Variants in RBFOX1 observed in about 807,000 individuals in gnomAD.
The protein encoded by RBFOX1 is RNA binding protein fox-1 homolog 1.
Under a neutral mutation model 57.7 loss-of-function variants are expected in RBFOX1, and 8 were observed. The observed-to-expected ratio is 0.14, with a 90% confidence interval of 0.08 to 0.25. The LOEUF is 0.25. RBFOX1 is among the 10% of genes least tolerant of loss of function. The pLI is 1.00. For synonymous variants in RBFOX1, 326 were observed against 222.4 expected (o/e 1.47, Z -4.15); for missense variants, 611 against 548.5 (o/e 1.11, Z -1.14).
rs145133700 is a variant in RBFOX1 at position 5,787,400 on chromosome 16, G to C, written c.319-79903G>C. ...AGTGAATAAAGACTTTATGCCCTAG[G>C]ACATCCATTGTAAGCCTCTCTACAA... is the stretch of plus-strand genomic sequence containing the variant. On this transcript the variant is annotated intron_variant, in intron 3 of 19. Coordinates refer to the RBFOX1 transcript ENST00000641259. Among the ~76,000 whole-genome samples, 127 of 152,262 alleles carry C rather than the reference G, an allele frequency of 8.3e-4. 2 individuals are homozygous for C. The highest frequency in any genetic ancestry group is 2.9e-3 in the African/African-American group (120 of 41,550).
At chr16:5,277,805 C>G (rs2063178389) in intron 1 of RBFOX1, among the ~76,000 whole-genome samples, 1 of 152,180 alleles carries the variant, frequency 6.6e-6, no homozygotes, top group Non-Finnish European at 1.5e-5. Context: ...TTAGTTCCAT[C>G]CATTTAGCTG....
chr16:7,646,735 C>T (rs192748143), intron 11 of RBFOX1, among the ~76,000 whole-genome samples: 3 of 152,244 alleles, frequency 2.0e-5, no homozygotes, highest in African/African-American at 7.2e-5. Flanking sequence ...TCCATCTCCC[C>T]CAGAGCTCTA....
intron 1 of RBFOX1, among the ~76,000 whole-genome samples, chr16:5,463,670 C>T (rs2068863373): frequency 6.6e-6 from 1 of 151,716 alleles, no homozygotes; most frequent in Admixed American, 6.6e-5. Context: ...CGTGCTGACA[C>T]ACAACTGTAA....
chr16:5,983,475 C>T (rs777490905), intron 4 of RBFOX1, among the ~76,000 whole-genome samples: 2 of 152,134 alleles, frequency 1.3e-5, no homozygotes, highest in Non-Finnish European at 2.9e-5. Flanking sequence ...ACTCATGGAA[C>T]CTTCCAGTGA....
chr16:5,618,408 GC>G (rs2048109899), intron 3 of RBFOX1, among the ~76,000 whole-genome samples: 1 of 152,030 alleles, frequency 6.6e-6, no homozygotes, highest in African/African-American at 2.4e-5. Flanking sequence ...TGCGATCTCG[GC>G]TCACTGCAAG....
At chr16:5,725,484 A>C (rs140187967) in intron 3 of RBFOX1, among the ~76,000 whole-genome samples, 2 of 151,784 alleles carry the variant, frequency 1.3e-5, no homozygotes, top group East Asian at 2.0e-4. Flanking sequence ...TCTTGTCTCA[A>C]ACTTAACAGG....
At chr16:7,629,180 G>A (rs190507805) in intron 10 of RBFOX1, among the ~76,000 whole-genome samples, 8 of 152,272 alleles carry the variant, frequency 5.3e-5, no homozygotes, top group Non-Finnish European at 1.2e-4. Context: ...GGAAAAAGTG[G>A]ATGGAGTTGT....
intron 2 of RBFOX1, among the ~76,000 whole-genome samples, chr16:6,502,025 A>G (rs984906938): frequency 2.0e-5 from 3 of 152,274 alleles, no homozygotes; most frequent in East Asian, 1.9e-4. Flanking sequence ...ATGCCTGCTT[A>G]GGGGGGTCAT....
intron 4 of RBFOX1, among the ~76,000 whole-genome samples, chr16:7,090,502 C>T (rs949007880): frequency 6.6e-6 from 1 of 152,132 alleles, no homozygotes; most frequent in Non-Finnish European, 1.5e-5. Context: ...AGTGTGGCCC[C>T]ATTAAGCCAG....
At chr16:6,484,334 A>T (rs1178244274) in intron 2 of RBFOX1, among the ~76,000 whole-genome samples, 1 of 152,142 alleles carries the variant, frequency 6.6e-6, no homozygotes, top group Non-Finnish European at 1.5e-5. Context: ...ATCTGTGTAA[A>T]CATGTCCACC....
intron 3 of RBFOX1, among the ~76,000 whole-genome samples, chr16:6,840,498 A>T (rs991846758): frequency 6.6e-6 from 1 of 152,120 alleles, no homozygotes; most frequent in Non-Finnish European, 1.5e-5. Flanking sequence ...TGTGTGTTGA[A>T]ATTCTAATCC....
intron 14 of RBFOX1, among the ~76,000 whole-genome samples, chr16:7,681,449 T>G (rs2074719915): frequency 6.6e-6 from 1 of 152,180 alleles, no homozygotes; most frequent in Non-Finnish European, 1.5e-5. Context: ...GCAGGCTACT[T>G]CCTGTCTATT....
chr16:7,346,879 G>T (rs2097020151), intron 4 of RBFOX1, among the ~76,000 whole-genome samples: 1 of 152,098 alleles, frequency 6.6e-6, no homozygotes, highest in African/African-American at 2.4e-5. Context: ...TGAAGGAACA[G>T]AACTCAATCC....
chr16:6,897,406 C>G (rs547168136), intron 3 of RBFOX1, among the ~76,000 whole-genome samples: 19 of 151,394 alleles, frequency 1.3e-4, no homozygotes, highest in African/African-American at 4.6e-4. Flanking sequence ...CCGTCACACA[C>G]ACACAAAAGG....
At chr16:5,847,665 C>G (rs117196600) in intron 3 of RBFOX1, among the ~76,000 whole-genome samples, 1 of 152,016 alleles carries the variant, frequency 6.6e-6, no homozygotes, top group Non-Finnish European at 1.5e-5. Flanking sequence ...TATGGCCCTC[C>G]GGAGGCTGAC....
intron 3 of RBFOX1, among the ~76,000 whole-genome samples, chr16:6,898,130 C>G (rs1346684938): frequency 6.6e-6 from 1 of 152,210 alleles, no homozygotes; most frequent in South Asian, 2.1e-4. Context: ...CAGGACCAAT[C>G]TCTATTTTGC....
At chr16:7,225,673 A>G (rs1453289013) in intron 4 of RBFOX1, among the ~76,000 whole-genome samples, 2 of 147,908 alleles carry the variant, frequency 1.4e-5, no homozygotes, top group East Asian at 4.1e-4. Flanking sequence ...TTTAGGTGGC[A>G]CGGGACAGAA....
intron 4 of RBFOX1, among the ~76,000 whole-genome samples, chr16:7,185,001 C>A (rs2083440019): frequency 6.7e-6 from 1 of 149,306 alleles, no homozygotes; most frequent in South Asian, 2.1e-4. Flanking sequence ...ATAGGATAGC[C>A]CCACTTTGCC....
At chr16:5,984,987 T>C (rs2060257341) in intron 4 of RBFOX1, among the ~76,000 whole-genome samples, 3 of 134,590 alleles carry the variant, frequency 2.2e-5, no homozygotes, top group Admixed American at 2.2e-4. Context: ...TTTTTTTTTT[T>C]TTTTTTTTTC....
Sources: gnomAD v4.1 joint callset for allele counts (sites outside exome capture counted in the v4.1 genomes callset) on GRCh38, gnomAD v4.1.1 for gene constraint, MANE v1.5 for transcripts, NCBI Gene and HGNC (gene_info 2026-07-23, HGNC 2026-07-21) for gene names.